Variants in CAPN2 observed in about 807,000 individuals in gnomAD.
CAPN2 encodes calpain-2 catalytic subunit.
A neutral mutation model predicts 102.3 loss-of-function variants in CAPN2; 92 were observed. The observed-to-expected ratio is 0.90, with a 90% CI of 0.76 to 1.07. The LOEUF is 1.07. CAPN2 is among the 50% of genes least tolerant of loss of function. The pLI is 0.00. For synonymous variants in CAPN2, 340 were observed against 355.4 expected, an observed-to-expected ratio of 0.96 and a Z score of 0.49; for missense variants, 800 against 909.4, an observed-to-expected ratio of 0.88 and a Z score of 1.55.
chr1:223,772,964 G>C (rs559497016), intron 20 of CAPN2: 1 of 152,220 alleles, frequency 6.6e-6, no homozygotes, highest in Non-Finnish European at 1.5e-5. Context: ...ACAGAGGGCC[G>C]GGCGAAGTGG....
intron 6 of CAPN2, among the ~76,000 whole-genome samples, chr1:223,750,105 C>G (rs1660849652): frequency 6.6e-6 from 1 of 152,104 alleles, no homozygotes; most frequent in South Asian, 2.1e-4. Context: ...TTTTTTTAAC[C>G]TTGATTTTTT....
At chr1:223,773,159 G>GTCTA (rs1558081397) in intron 20 of CAPN2, 1 of 152,194 alleles carries the variant, frequency 6.6e-6, no homozygotes, top group East Asian at 1.9e-4. Flanking sequence ...TGAAAATATA[G>GTCTA]TCTATCTGGT....
At chr1:223,769,232 C>G (rs368056779) in intron 16 of CAPN2, among the ~76,000 whole-genome samples, 101 of 152,228 alleles carry the variant, frequency 6.6e-4, no homozygotes, top group Middle Eastern at 3.4e-3. Flanking sequence ...TGATTCTCCC[C>G]CCTCCAGCCT....
intron 2 of CAPN2, among the ~76,000 whole-genome samples, chr1:223,741,423 A>ATG (rs1660608185): frequency 1.2e-5 from 1 of 80,646 alleles, no homozygotes; most frequent in African/African-American, 1.1e-4. Context: ...TGTAAAATGT[A>ATG]TATATATATA....
rs1244195450 is a variant in CAPN2, at chr1:223,759,142, C to T, written c.1318-128C>T. 2 of 866,872 alleles carry T rather than the reference C, an allele frequency of 2.3e-6. No homozygotes were observed. Among genetic ancestry groups the T allele is most frequent in the Non-Finnish European group, 3.8e-6 (2 of 525,182 alleles). The allele number at this position is 866,872 out of a possible 1,614,324, so 53.7% of individuals were successfully genotyped here. A position where few individuals can be genotyped will look rare whatever the true frequency, so the allele number is the denominator to read the frequency against. The stretch of plus-strand genomic sequence containing the variant: ...TGGTTTCTGACGCCTGGCCTCGCCT[C>T]CTTATACACCAGGACAGCAGGACTG... On this transcript the variant is annotated intron_variant, in intron 11 of 20. Transcript: ENST00000295006. This position sits in a 1 kb window ranked among gnomAD's most constrained non-coding sequence, Gnocchi z 4.6.
intron 1 of CAPN2, among the ~76,000 whole-genome samples, chr1:223,704,485 T>C (rs1180603860): frequency 1.3e-5 from 2 of 152,180 alleles, no homozygotes; most frequent in Non-Finnish European, 2.9e-5. Flanking sequence ...ATCTGAGAAT[T>C]TCTTTGTCAG....
chr1:223,771,645 G>T, intron 18 of CAPN2, 164 bp from the exon 19 acceptor site: 1 of 637,076 alleles, frequency 1.6e-6, no homozygotes. Flanking sequence ...AACAGCAGAA[G>T]GTACTGGCTT....
chr1:223,704,673 G>A (rs1659564346), intron 1 of CAPN2, among the ~76,000 whole-genome samples: 1 of 152,180 alleles, frequency 6.6e-6, no homozygotes, highest in Non-Finnish European at 1.5e-5. Flanking sequence ...TATCTGAAAT[G>A]TCGGCCCTGC....
chr1:223,773,555 T>C (rs547155946), intron 20 of CAPN2, among the ~76,000 whole-genome samples: 8 of 152,246 alleles, frequency 5.3e-5, no homozygotes, highest in East Asian at 1.9e-4. Flanking sequence ...TAGCCAGGCG[T>C]GGTGACACAT....
intron 4 of CAPN2, among the ~76,000 whole-genome samples, chr1:223,745,668 A>G (rs954396776): frequency 4.6e-5 from 7 of 152,242 alleles, no homozygotes; most frequent in African/African-American, 1.7e-4. Flanking sequence ...GTCCTTTTCT[A>G]TAGAAGGACT....
intron 2 of CAPN2, among the ~76,000 whole-genome samples, chr1:223,720,992 C>T (rs1054576881): frequency 2.0e-5 from 3 of 152,170 alleles, no homozygotes; most frequent in African/African-American, 7.2e-5. Context: ...GGAACTTGGG[C>T]AGGTGACATT....
At chr1:223,752,680 T>A (rs1153964) in intron 8 of CAPN2, 116 bp from the exon 9 acceptor site, 1 of 920,748 alleles carries the variant, frequency 1.1e-6, no homozygotes, top group Non-Finnish European at 1.7e-6. Flanking sequence ...ATCCACTCAG[T>A]TCTAATGAGC....
chr1:223,742,651 C>G (rs951574949), intron 2 of CAPN2, among the ~76,000 whole-genome samples: 2 of 151,402 alleles, frequency 1.3e-5, no homozygotes, highest in East Asian at 1.9e-4. Context: ...TCCCAAGTAG[C>G]TGGGACTACA....
At chr1:223,703,466 T>C (rs1169975362) in intron 1 of CAPN2, among the ~76,000 whole-genome samples, 1 of 152,144 alleles carries the variant, frequency 6.6e-6, no homozygotes, top group Non-Finnish European at 1.5e-5. Context: ...TCCAGGCTGC[T>C]CCAGCCAATG....
At position 223,752,857 on chromosome 1, in the gene CAPN2, G is replaced by GA. The variant is rs1180018911; in HGVS notation, c.1037dup (p.Asp346GlufsTer51). On this transcript the variant is annotated frameshift_variant, in exon 9 of 21. Coordinates refer to ENST00000295006, the MANE Select transcript of CAPN2 (RefSeq NM_001748.5). LOFTEE classifies it high-confidence loss of function. ...CCTGGAGATCTGTAACCTGACCCCA[G>GA]ACACTCTCACCAGCGATACCTACAA... 1 of 1,614,160 alleles carries GA rather than the reference G, an allele frequency of 6.2e-7. No homozygotes were observed. Among genetic ancestry groups the GA allele is most frequent in the Non-Finnish European group, 8.5e-7 (1 of 1,180,030 alleles).
chr1:223,737,622 A>G (rs1660488240), intron 2 of CAPN2, among the ~76,000 whole-genome samples: 1 of 144,408 alleles, frequency 6.9e-6, no homozygotes, highest in African/African-American at 2.6e-5. Context: ...GGAGCTTTAC[A>G]GTGACTTAGG....
At chr1:223,702,815 G>C (rs1007815727) in intron 1 of CAPN2, among the ~76,000 whole-genome samples, 12 of 152,124 alleles carry the variant, frequency 7.9e-5, no homozygotes, top group African/African-American at 2.9e-4. Context: ...ATCCACAAAG[G>C]TACAAGAAGA....
chr1:223,746,970 G>A (rs1184691400), intron 4 of CAPN2, 27 bp from the exon 5 acceptor site: 1 of 1,601,294 alleles, frequency 6.2e-7, no homozygotes, highest in East Asian at 2.2e-5. Flanking sequence ...GTCAAGGGTA[G>A]CGGCAGCGTC....
Position 223,775,677 on chromosome 1 carries a change from G to GAGTT in CAPN2, c.*823_*826dup, listed in dbSNP as rs1217973666. 1 of 152,636 alleles carries GAGTT rather than the reference G, an allele frequency of 6.6e-6. No homozygotes were observed. Among genetic ancestry groups the GAGTT allele is most frequent in the African/African-American group, 2.4e-5 (1 of 41,450 alleles). The allele number at this position is 152,636 out of a possible 1,614,324, so 9.5% of individuals were successfully genotyped here. Reference sequence around the variant, plus strand: ...TCACCACCACTAGTGTCTGTCCATGGAGTTAGAGGGGACATCACTTAGAAG... The same window carrying GAGTT: ...TCACCACCACTAGTGTCTGTCCATGGAGTTAGTTAGAGGGGACATCACTTAGAAG... On this transcript the variant is annotated 3_prime_UTR_variant, in exon 21 of 21. Transcript: ENST00000295006.
Sources: allele counts gnomAD v4.1 joint callset (sites outside exome capture counted in the v4.1 genomes callset), GRCh38; gene constraint gnomAD v4.1.1; non-coding constraint Gnocchi (gnomAD v3.1); transcripts MANE v1.5; gene names NCBI Gene and HGNC (gene_info 2026-07-23, HGNC 2026-07-21).